The following MTMR2 variants were observed in gnomAD, a reference collection of about 807,000 sequenced individuals.
The protein encoded by MTMR2 is phosphatidylinositol-3,5-bisphosphate 3-phosphatase MTMR2.
MTMR2 carries 55 observed loss-of-function variants against 86.9 expected under a neutral mutation model. That is an observed-to-expected ratio of 0.63 (90% CI 0.51 to 0.79). The LOEUF (loss-of-function observed/expected upper bound fraction) is 0.79. MTMR2 is among the 30% of genes least tolerant of loss of function. MTMR2 has a pLI of 0.00. For missense variants in MTMR2, 659 were observed against 772.3 expected (o/e 0.85, Z 1.74); for synonymous variants, 241 against 266.8 (o/e 0.90, Z 0.94).
intron 2 of MTMR2, among the ~76,000 whole-genome samples, chr11:95,886,806 T>C (rs1267499505): frequency 6.6e-6 from 1 of 152,116 alleles, no homozygotes; most frequent in Non-Finnish European, 1.5e-5. Flanking sequence ...TATGAGCCCT[T>C]AGTGGATTTT....
At chr11:95,911,546 G>A (rs925008186) in intron 1 of MTMR2, among the ~76,000 whole-genome samples, 6 of 152,136 alleles carry the variant, frequency 3.9e-5, no homozygotes, top group African/African-American at 1.2e-4. Context: ...TCAGCACCCC[G>A]TTTAAGGAGC....
In MTMR2 at chr11:95,923,684, G is replaced by A. The variant is rs77364924; in HGVS notation, c.80+191C>T. 3,015 of 1,430,472 alleles carry A rather than the reference G, an allele frequency of 2.1e-3. 1 individual carries two copies. Among genetic ancestry groups the A allele is most frequent in the African/African-American group, 7.4e-3 (515 of 69,728 alleles). The allele number at this position is 1,430,472 out of a possible 1,614,324, so 88.6% of individuals were successfully genotyped here. ...AGAGGAATCGATAAAGAAGCAGCGAGTTTTAACCTCCTTTTCCTCAGCCTC... is the reference window on the plus strand; with the variant it reads ...AGAGGAATCGATAAAGAAGCAGCGAATTTTAACCTCCTTTTCCTCAGCCTC... On this transcript the variant is annotated intron_variant, in intron 1 of 14. Transcript: ENST00000346299.
At chr11:95,912,471 GAAT>G (rs1866547080) in intron 1 of MTMR2, among the ~76,000 whole-genome samples, 1 of 150,998 alleles carries the variant, frequency 6.6e-6, no homozygotes, top group African/African-American at 2.4e-5. Flanking sequence ...AAAAATCATA[GAAT>G]AAAAATGTCT....
chr11:95,845,001 T>A lies in MTMR2; in HGVS notation c.1338A>T (p.Glu446Asp). 6.2e-7 allele frequency: 1 copy of A among 1,613,972 alleles called. No homozygotes were observed. Residue 446 changes from glutamate (E) to aspartate (D), a missense_variant, in exon 11 of 15, where the codon GAA (glutamate) becomes GAT (aspartate). Transcript: ENST00000346299. ...DGYYRTIRGF[E>D]VLVEKEWLSF... ...TTAGCCATTCTTTCTCCACAAGGAC[T>A]TCAAATCCTCGGATGGTTCGATAGT...
chr11:95,857,634 G>A lies in MTMR2; in HGVS notation c.572C>T (p.Pro191Leu), dbSNP rs1258314907. The part of the protein sequence containing the change: ...KYAFPVSNNL[P>L]LFAFEYKEVF... The stretch of plus-strand genomic sequence containing the variant: ...TTCTTTGTATTCAAAAGCAAAAAGA[G>A]GCTACAAAAAAGTAAACAATGGTAA... The change falls in exon 7 of 15, where the codon CCT (proline) becomes CTT (leucine). Residue 191 changes from proline to leucine, a missense_variant and splice_region_variant. Physicochemically the swap from Pro to Leu is moderately conservative, Grantham distance 98. Around this residue, in one of 3 missense-constraint regions of MTMR2, gnomAD observed 387 missense variants for 526.3 expected, o/e 0.74. Coordinates refer to ENST00000346299, the MANE Select transcript of MTMR2 (RefSeq NM_016156.6). 6 of 1,607,704 alleles carry A rather than the reference G, an allele frequency of 3.7e-6. No homozygotes were observed. The East Asian group carries it at 1.3e-4, about 36-fold the overall frequency.
chr11:95,877,133 A>C (rs1020498867), intron 2 of MTMR2, among the ~76,000 whole-genome samples: 5 of 152,198 alleles, frequency 3.3e-5, no homozygotes, highest in African/African-American at 1.2e-4. Flanking sequence ...TTTTTGTTGG[A>C]TAATCCTTCT....
At chr11:95,848,761 G>GAA (rs1225768613) in intron 9 of MTMR2, among the ~76,000 whole-genome samples, 2 of 152,120 alleles carry the variant, frequency 1.3e-5, no homozygotes, top group Non-Finnish European at 2.9e-5. Context: ...ACAAACTACT[G>GAA]AAAGAACAGA....
intron 7 of MTMR2, among the ~76,000 whole-genome samples, chr11:95,853,021 C>T (rs933149823): frequency 6.8e-5 from 10 of 146,174 alleles, no homozygotes; most frequent in African/African-American, 2.2e-4. Flanking sequence ...GGTGACACGG[C>T]GAGATTCTAA....
chr11:95,838,929 CCTAT>C (rs1863416871), intron 12 of MTMR2, among the ~76,000 whole-genome samples: 2 of 151,928 alleles, frequency 1.3e-5, no homozygotes, highest in African/African-American at 2.4e-5. Context: ...TTTAATCCAT[CCTAT>C]CTAATATTTC....
intron 2 of MTMR2, among the ~76,000 whole-genome samples, chr11:95,882,184 C>G (rs924721720): frequency 2.6e-5 from 4 of 151,838 alleles, no homozygotes; most frequent in African/African-American, 9.7e-5. Flanking sequence ...ATGTCAATAT[C>G]ACATTCATGG....
chr11:95,917,524 G>A (rs758172677), intron 1 of MTMR2, among the ~76,000 whole-genome samples: 5 of 152,134 alleles, frequency 3.3e-5, no homozygotes, highest in Non-Finnish European at 5.9e-5. Context: ...GACCTTCAAC[G>A]CAGCTGAAAA....
chr11:95,923,856 C>A lies in MTMR2; in HGVS notation c.80+19G>T, dbSNP rs760733393. On this transcript the variant is annotated intron_variant, in intron 1 of 14. Transcript: ENST00000346299. Reference sequence around the variant, plus strand: ...CATCCCCTTCGGACGCTGGGCGGGGCCCTGGGCGTCCTGGTTACCTGGACA... The same window carrying A: ...CATCCCCTTCGGACGCTGGGCGGGGACCTGGGCGTCCTGGTTACCTGGACA... 3 of 1,537,956 alleles carry A rather than the reference C, an allele frequency of 2.0e-6. No individual in the cohort carries two copies. The highest frequency in any genetic ancestry group is 2.6e-6 in the Non-Finnish European group (3 of 1,138,302).
rs1306644527 is a variant in MTMR2 at position 95,833,660 on chromosome 11, C to T, written c.*1630G>A. On this transcript the variant is annotated 3_prime_UTR_variant, in exon 15 of 15. Coordinates refer to ENST00000346299, the MANE Select transcript of MTMR2 (RefSeq NM_016156.6). The stretch of plus-strand genomic sequence containing the variant: ...ATTCTTGATCTCTTCAGCCATTCTA[C>T]ATTCTTTTATGTGGTATCAGGCCAA... The T allele has an allele frequency of 2.0e-5, 3 of 152,084 alleles. No homozygotes were observed. Among genetic ancestry groups the T allele is most frequent in the East Asian group, 1.9e-4 (1 of 5,194 alleles). The allele number at this position is 152,084 out of a possible 1,614,324, so 9.4% of individuals were successfully genotyped here. A position where few individuals can be genotyped will look rare whatever the true frequency, so the allele number is the denominator to read the frequency against.
intron 5 of MTMR2, among the ~76,000 whole-genome samples, chr11:95,859,214 C>T (rs1331535195): frequency 6.6e-6 from 1 of 152,158 alleles, no homozygotes; most frequent in Admixed American, 6.5e-5. Flanking sequence ...TCCTTCACTC[C>T]ATAACCACAT....
At chr11:95,847,631 T>C in intron 10 of MTMR2, 83 bp downstream of exon 10, 1 of 1,241,122 alleles carries the variant, frequency 8.1e-7, no homozygotes, top group East Asian at 2.3e-5. Context: ...TACCTTCATG[T>C]TGATTGCAAT....
At chr11:95,894,525 A>G (rs915346695) in intron 1 of MTMR2, among the ~76,000 whole-genome samples, 4 of 152,214 alleles carry the variant, frequency 2.6e-5, no homozygotes, top group African/African-American at 9.6e-5. Flanking sequence ...GAAGGCAAGA[A>G]CTATAATTAG....
chr11:95,840,470 G>A (rs984549184), intron 12 of MTMR2, among the ~76,000 whole-genome samples: 10 of 152,060 alleles, frequency 6.6e-5, no homozygotes, highest in Non-Finnish European at 1.2e-4. Flanking sequence ...CCTAATCCAA[G>A]AAAGTATTAA....
chr11:95,882,401 A>AG (rs1187241181), intron 2 of MTMR2: 3 of 152,266 alleles, frequency 2.0e-5, no homozygotes, highest in African/African-American at 7.2e-5. Context: ...CGGGAAGCTG[A>AG]GGCAGGAGAA....
In MTMR2 at chr11:95,841,662, A is replaced by G; in HGVS notation, c.1434T>C (p.Pro478=). ...DKNHADADRS[P]VFLQFIDCVW... is the part of the protein sequence containing the mutation. ...CACAGTCAATAAATTGAAGAAAAACAGGCGATCTGTCTGCATCTGCATGGT... is the reference window on the plus strand; with the variant it reads ...CACAGTCAATAAATTGAAGAAAAACGGGCGATCTGTCTGCATCTGCATGGT... The change falls in exon 12 of 15, where the codon CCT becomes CCC. Residue 478 remains proline (P), a synonymous_variant. Coordinates refer to ENST00000346299, the MANE Select transcript of MTMR2 (RefSeq NM_016156.6). The G allele has an allele frequency of 6.2e-7, 1 of 1,613,938 alleles. No homozygotes were observed. Among genetic ancestry groups the G allele is most frequent in the African/African-American group, 1.3e-5 (1 of 75,050 alleles).
Sources: allele counts gnomAD v4.1 joint callset (sites outside exome capture counted in the v4.1 genomes callset), GRCh38; gene constraint gnomAD v4.1.1; regional missense constraint gnomAD v4.1.1; transcripts MANE v1.5; gene names NCBI Gene and HGNC (gene_info 2026-07-23, HGNC 2026-07-21).